Variants in PHACTR3 observed in about 807,000 individuals in gnomAD.
The protein encoded by PHACTR3 is phosphatase and actin regulator 3.
PHACTR3 carries 16 observed loss-of-function variants against 66.8 expected under a neutral mutation model. The ratio of observed to expected loss-of-function variants is 0.24; its 90% confidence interval spans 0.16 to 0.36. PHACTR3 has a LOEUF of 0.36. Among genes scored for constraint, PHACTR3 ranks in the 10% least tolerant of loss-of-function variants. The pLI is 1.00. For synonymous variants in PHACTR3, 323 were observed against 292.1 expected (o/e 1.11, Z -1.08); for missense variants, 647 against 719.9 (o/e 0.90, Z 1.16).
In PHACTR3 at chr20:59,584,141, C is replaced by T. The variant is rs114357059; in HGVS notation, c.109+6524C>T. Among the ~76,000 whole-genome samples the T allele has an allele frequency of 4.0e-3, 608 of 152,086 alleles. 4 individuals are homozygous for T. Among genetic ancestry groups the T allele is most frequent in the African/African-American group, 0.014 (575 of 41,566 alleles). On this transcript the variant is annotated intron_variant, in intron 1 of 12. Transcript: ENST00000359926. ...GCAACGGGGCAGCCCTGACTCAGTG[C>T]CTCAGTGCCTCAGTGCCTTGGGTGG... is the stretch of plus-strand genomic sequence containing the variant.
At chr20:59,745,668 A>G (rs1471981250) in intron 2 of PHACTR3, among the ~76,000 whole-genome samples, 1 of 152,212 alleles carries the variant, frequency 6.6e-6, no homozygotes, top group African/African-American at 2.4e-5. Flanking sequence ...ATATGTAGCA[A>G]ACAGTGGTTT....
intron 8 of PHACTR3, among the ~76,000 whole-genome samples, chr20:59,827,819 A>C (rs964702693): frequency 1.3e-5 from 2 of 152,104 alleles, no homozygotes; most frequent in Admixed American, 6.5e-5. Context: ...CCGACATCAG[A>C]AGCCCCCCAC....
At chr20:59,669,129 C>A (rs376474848) in intron 1 of PHACTR3, among the ~76,000 whole-genome samples, 2 of 152,236 alleles carry the variant, frequency 1.3e-5, no homozygotes, top group African/African-American at 4.8e-5. Context: ...TTCAGCCTGG[C>A]AGCTCAACCT....
intron 4 of PHACTR3, among the ~76,000 whole-genome samples, chr20:59,765,821 C>T (rs1202390239): frequency 6.6e-6 from 1 of 152,192 alleles, no homozygotes; most frequent in African/African-American, 2.4e-5. Flanking sequence ...CCCATAGGAG[C>T]TAACACAGTG....
intron 7 of PHACTR3, among the ~76,000 whole-genome samples, chr20:59,801,381 T>A (rs184181544): frequency 6.6e-6 from 1 of 152,190 alleles, no homozygotes. Flanking sequence ...TGACTTTGTG[T>A]TTGAGGTTTG....
chr20:59,656,894 G>T (rs1259411019), intron 1 of PHACTR3, among the ~76,000 whole-genome samples: 1 of 151,832 alleles, frequency 6.6e-6, no homozygotes, highest in Non-Finnish European at 1.5e-5. Flanking sequence ...GTTAGATATA[G>T]AAACATTACT....
intron 1 of PHACTR3, among the ~76,000 whole-genome samples, chr20:59,616,270 C>T (rs749315647): frequency 7.9e-5 from 12 of 152,162 alleles, no homozygotes; most frequent in Non-Finnish European, 1.5e-4. Flanking sequence ...AGCTAGCATT[C>T]GCCTCCTCCT....
At chr20:59,842,760 G>T (rs2059086536) in intron 11 of PHACTR3, among the ~76,000 whole-genome samples, 1 of 152,116 alleles carries the variant, frequency 6.6e-6, no homozygotes, top group Non-Finnish European at 1.5e-5. Context: ...TTTCATTAGT[G>T]CCCTAAGCAT....
intron 1 of PHACTR3, among the ~76,000 whole-genome samples, chr20:59,667,260 A>G (rs1044752775): frequency 2.6e-5 from 4 of 152,228 alleles, no homozygotes; most frequent in African/African-American, 9.6e-5. Context: ...TAAAAAATCA[A>G]CCAACCCTCT....
At position 59,679,349 on chromosome 20, in the gene PHACTR3, G is replaced by A. The variant is rs892291458; in HGVS notation, c.119-63758G>A. Among the ~76,000 whole-genome samples the A allele has an allele frequency of 3.3e-5, 5 of 152,174 alleles. No homozygotes were observed. In the South Asian group the frequency reaches 6.2e-4, roughly 19 times the overall value. ...GCACACACAGACATAAATGAAGTGC[G>A]TGTACATGCACACACACGAAACTCA... On this transcript the variant is annotated intron_variant, in intron 1 of 12. Transcript: ENST00000371015.
intron 8 of PHACTR3, among the ~76,000 whole-genome samples, chr20:59,826,326 C>G (rs974380678): frequency 6.6e-6 from 1 of 152,142 alleles, no homozygotes; most frequent in Non-Finnish European, 1.5e-5. Flanking sequence ...CACAGATCTT[C>G]GCTGAGTGTC....
At chr20:59,720,659 T>C (rs1347882714) in intron 1 of PHACTR3, among the ~76,000 whole-genome samples, 2 of 152,202 alleles carry the variant, frequency 1.3e-5, no homozygotes, top group African/African-American at 4.8e-5. Flanking sequence ...GTACATCAGC[T>C]CTTCCAAATT....
chr20:59,647,674 G>T (rs1214116722), intron 1 of PHACTR3, among the ~76,000 whole-genome samples: 1 of 152,104 alleles, frequency 6.6e-6, no homozygotes, highest in East Asian at 1.9e-4. Context: ...TGAAAGAAAT[G>T]AATGCCATTA....
intron 1 of PHACTR3, among the ~76,000 whole-genome samples, chr20:59,667,404 CT>C (rs1453255021): frequency 6.6e-6 from 1 of 152,202 alleles, no homozygotes; most frequent in Non-Finnish European, 1.5e-5. Context: ...ACTAGCCCGT[CT>C]CATTGTCTCA....
intron 1 of PHACTR3, among the ~76,000 whole-genome samples, chr20:59,633,239 A>T (rs1025029850): frequency 3.3e-5 from 5 of 152,208 alleles, no homozygotes; most frequent in Admixed American, 6.5e-5. Flanking sequence ...TAGCAAAGAC[A>T]TGGAAACAAC....
rs6015550 is a variant in PHACTR3 at position 59,694,891 on chromosome 20, A to G, written c.119-48216A>G. 8.6e-3 allele frequency among the ~76,000 whole-genome samples: 1,309 copies of G among 152,232 alleles called. 16 individuals carry two copies. Among genetic ancestry groups the G allele is most frequent in the African/African-American group, 0.028 (1,168 of 41,528 alleles). On this transcript the variant is annotated intron_variant, in intron 1 of 12. Transcript: ENST00000371015. Reference sequence around the variant, plus strand: ...GTCATGGAGAGAGAGAAGCAGCCCAATGATTGCCGGGTGCTATGCCATTCA... The same window carrying G: ...GTCATGGAGAGAGAGAAGCAGCCCAGTGATTGCCGGGTGCTATGCCATTCA...
At chr20:59,751,574 A>G (rs2039584331) in intron 3 of PHACTR3, among the ~76,000 whole-genome samples, 1 of 152,110 alleles carries the variant, frequency 6.6e-6, no homozygotes. Flanking sequence ...CCAGCAGAAG[A>G]GAGCCCGCCA....
intron 1 of PHACTR3, among the ~76,000 whole-genome samples, chr20:59,693,598 A>C (rs1229450830): frequency 6.6e-6 from 1 of 152,202 alleles, no homozygotes; most frequent in East Asian, 1.9e-4. Flanking sequence ...CTGAGGTGGT[A>C]CCTGGTGTAT....
chr20:59,580,270 G>C (rs565747446), intron 1 of PHACTR3, among the ~76,000 whole-genome samples: 2 of 152,290 alleles, frequency 1.3e-5, no homozygotes, highest in South Asian at 4.2e-4. Flanking sequence ...CAGGCTGTGT[G>C]CCCACAACTC....
Sources: gnomAD v4.1 joint callset for allele counts (sites outside exome capture counted in the v4.1 genomes callset) on GRCh38, gnomAD v4.1.1 for gene constraint, MANE v1.5 for transcripts, NCBI Gene and HGNC (gene_info 2026-07-23, HGNC 2026-07-21) for gene names.